Variants in USO1 observed in about 807,000 individuals in gnomAD.
The protein encoded by USO1 is general vesicular transport factor p115.
A neutral mutation model predicts 124.5 loss-of-function variants in USO1; 57 were observed. The observed-to-expected ratio is 0.46, with a 90% confidence interval of 0.37 to 0.57. USO1 has a LOEUF of 0.57. Among genes scored for constraint, USO1 ranks in the 20% least tolerant of loss-of-function variants. The probability of loss-of-function intolerance (pLI) is 0.00; values close to 1 mark genes in which losing one functional copy is unlikely to be tolerated. For missense variants in USO1, 900 were observed against 1,040.6 expected (o/e 0.86, Z 1.86); for synonymous variants, 369 against 362.8 (o/e 1.02, Z -0.19).
At chr4:75,786,181 C>CA (rs1343475064) in intron 9 of USO1, among the ~76,000 whole-genome samples, 5 of 152,120 alleles carry the variant, frequency 3.3e-5, no homozygotes, top group African/African-American at 4.8e-5. Flanking sequence ...TCCTCCCTCA[C>CA]AAAAAATCCC....
At chr4:75,741,632 T>C (rs1037979903) in intron 1 of USO1, among the ~76,000 whole-genome samples, 4 of 134,836 alleles carry the variant, frequency 3.0e-5, no homozygotes, top group Non-Finnish European at 4.7e-5. Flanking sequence ...TTTGAGACAG[T>C]CTCGCTCTGT....
At chr4:75,771,981 T>C (rs1288403594) in intron 7 of USO1, among the ~76,000 whole-genome samples, 1 of 152,214 alleles carries the variant, frequency 6.6e-6, no homozygotes, top group Non-Finnish European at 1.5e-5. Context: ...TTAAGTGTTC[T>C]TTGTTAGCCA....
In USO1 at chr4:75,781,842, G is replaced by A. The variant is rs17000863; in HGVS notation, c.677-838G>A. On this transcript the variant is annotated intron_variant, in intron 8 of 23. Transcript: ENST00000514213. The stretch of plus-strand genomic sequence containing the variant: ...GTTGATGTACCAGATGAGCTTACTT[G>A]TCGTTACGTACAGCATCCAGCATCA... 5.9e-3 allele frequency among the ~76,000 whole-genome samples: 903 copies of A among 152,242 alleles called. 15 individuals carry two copies. The highest frequency in any genetic ancestry group is 0.021 in the African/African-American group (856 of 41,542).
chr4:75,759,364 C>T (rs1349696601), intron 4 of USO1, among the ~76,000 whole-genome samples: 8 of 145,428 alleles, frequency 5.5e-5, no homozygotes, highest in Admixed American at 1.4e-4. Context: ...GAGGCCGAGG[C>T]GGGTGGATCA....
chr4:75,812,984 G>A (rs1230001745), intron 23 of USO1, among the ~76,000 whole-genome samples: 6 of 151,954 alleles, frequency 3.9e-5, no homozygotes, highest in Admixed American at 3.9e-4. Flanking sequence ...TTGGTGGCAG[G>A]CACCTGTAAT....
intron 3 of USO1, among the ~76,000 whole-genome samples, chr4:75,757,127 A>AT (rs1721470407): frequency 6.6e-6 from 1 of 152,060 alleles, no homozygotes; most frequent in South Asian, 2.1e-4. Context: ...CTGTGCATAA[A>AT]TTTTTATATT....
intron 10 of USO1, 101 bp from the exon 11 acceptor site, chr4:75,790,047 TAA>T (rs67037358): frequency 9.6e-4 from 963 of 1,004,024 alleles, no homozygotes; most frequent in East Asian, 2.5e-3. Flanking sequence ...TAAAGTATAA[TAA>T]AAAAAAAAAC....
chr4:75,808,904 T>C (rs1472870020), intron 20 of USO1, 49 bp from the exon 21 acceptor site: 1 of 1,516,164 alleles, frequency 6.6e-7, no homozygotes, highest in Non-Finnish European at 8.8e-7. Context: ...ATTTCCTTGA[T>C]GAATTTAATA....
rs201565111 is a variant in USO1 at position 75,782,653 on chromosome 4, C to T, written c.677-27C>T. 956 of 1,525,424 alleles carry T rather than the reference C, an allele frequency of 6.3e-4. 1 individual carries two copies. Among genetic ancestry groups the T allele is most frequent in the Non-Finnish European group, 7.6e-4 (871 of 1,141,244 alleles). 94.5% of individuals were successfully genotyped at this position (1,525,424 alleles called of 1,614,324 possible). A position where few individuals can be genotyped will look rare whatever the true frequency, so the allele number is the denominator to read the frequency against. On this transcript the variant is annotated intron_variant, in intron 8 of 23. Transcript: ENST00000514213. ...TTGCGTCAGGTTTTACGAGCCTTAA[C>T]GCTTGTGTTTTACATTATTTCCCCA... is the stretch of plus-strand genomic sequence containing the variant.
intron 1 of USO1, chr4:75,745,050 A>G (rs1577931705): frequency 2.9e-6 from 1 of 346,586 alleles, no homozygotes. Flanking sequence ...ATCTTTGCCC[A>G]CTGCCATCAC....
chr4:75,812,222 T>A lies in USO1; in HGVS notation c.2646T>A (p.Asn882Lys), dbSNP rs762456448. ...TTAAAGAGCAGCTGGATTCATCTAA[T>A]AGTACCATTGCCATTTTACAAACTG... ...TAIKEQLDSS[N>K]STIAILQTEK... The change falls in exon 23 of 24, where the codon AAT (asparagine) becomes AAA (lysine). Residue 882 changes from asparagine (N) to lysine (K), a missense_variant. Asn to Lys is a moderately conservative substitution (Grantham distance 94). Transcript: ENST00000514213. The A allele has an allele frequency of 1.2e-6, 2 of 1,610,282 alleles. No individual in the cohort carries two copies. Among genetic ancestry groups the A allele is most frequent in the Non-Finnish European group, 1.7e-6 (2 of 1,178,212 alleles).
chr4:75,791,515 CTG>C (rs1390875127), intron 12 of USO1, among the ~76,000 whole-genome samples: 1 of 152,128 alleles, frequency 6.6e-6, no homozygotes, highest in Non-Finnish European at 1.5e-5. Flanking sequence ...CAGAGAGAGA[CTG>C]TGCCTCAAAA....
rs372197131 is a variant in USO1, at chr4:75,799,656, T to C, written c.1487T>C (p.Met496Thr). The change falls in exon 14 of 24, where the codon ATG (methionine) becomes ACG (threonine). Residue 496 changes from methionine to threonine, a missense_variant. By Grantham distance (81) the Met-to-Thr change is moderately conservative. Transcript: ENST00000514213. ...ATACAAACAAGAGTTGGATTATTAA[T>C]GTTGCTTTGTACCTGGCTAAGCAAT... ...SKIQTRVGLL[M>T]LLCTWLSNCP... The C allele has an allele frequency of 2.3e-5, 37 of 1,613,688 alleles. No homozygotes were observed. Among genetic ancestry groups the C allele is most frequent in the Non-Finnish European group, 3.0e-5 (35 of 1,179,814 alleles).
intron 20 of USO1, among the ~76,000 whole-genome samples, chr4:75,807,062 T>G (rs1723018674): frequency 6.6e-6 from 1 of 152,156 alleles, no homozygotes. Context: ...TGTGGTAATT[T>G]ATAACATCTA....
At chr4:75,732,523 A>T (rs548097359) in intron 1 of USO1, among the ~76,000 whole-genome samples, 8 of 152,172 alleles carry the variant, frequency 5.3e-5, no homozygotes, top group Middle Eastern at 3.4e-3. Context: ...ATTTTCCCTT[A>T]TTTCATTAAA....
chr4:75,746,559 T>C (rs1721132454), intron 1 of USO1, among the ~76,000 whole-genome samples: 1 of 152,248 alleles, frequency 6.6e-6, no homozygotes, highest in Non-Finnish European at 1.5e-5. Context: ...GACTTGTGTA[T>C]AGACTAAAAC....
intron 1 of USO1, among the ~76,000 whole-genome samples, chr4:75,730,462 TC>T (rs1720598110): frequency 6.6e-6 from 1 of 152,148 alleles, no homozygotes; most frequent in South Asian, 2.1e-4. Flanking sequence ...CCTTTTTTTT[TC>T]CTCTAGGGAA....
At chr4:75,729,223 CT>C (rs1375659393) in intron 1 of USO1, among the ~76,000 whole-genome samples, 1 of 152,044 alleles carries the variant, frequency 6.6e-6, no homozygotes, top group Non-Finnish European at 1.5e-5. Flanking sequence ...CCTACTCATG[CT>C]TTTGTTTTTT....
chr4:75,795,280 T>G, intron 13 of USO1: 1 of 698,276 alleles, frequency 1.4e-6, no homozygotes. Flanking sequence ...TTTTCCAGAT[T>G]TAGACTTTTC....
Sources: gnomAD v4.1 joint callset for allele counts (sites outside exome capture counted in the v4.1 genomes callset) on GRCh38, gnomAD v4.1.1 for gene constraint, MANE v1.5 for transcripts, NCBI Gene and HGNC (gene_info 2026-07-23, HGNC 2026-07-21) for gene names.